CREM: variants seen among roughly 807,000 people sequenced by gnomAD.
CREM encodes the protein cAMP responsive element modulator, also known as cAMP-responsive element modulator.
Under a neutral mutation model 37.3 loss-of-function variants are expected in CREM, and 13 were observed. The observed-to-expected ratio is 0.35, with a 90% CI of 0.23 to 0.55. CREM has a LOEUF of 0.55. Among genes scored for constraint, CREM ranks in the 20% least tolerant of loss-of-function variants. The pLI is 0.88. For missense variants in CREM, 296 were observed against 362.3 expected, an observed-to-expected ratio of 0.82 and a Z score of 1.49; for synonymous variants, 124 against 120.2, an observed-to-expected ratio of 1.03 and a Z score of -0.21.
intron 3 of CREM, among the ~76,000 whole-genome samples, chr10:35,157,960 G>A (rs2093020303): frequency 6.6e-6 from 1 of 151,668 alleles, no homozygotes; most frequent in South Asian, 2.1e-4. Flanking sequence ...GAACTACCTG[G>A]AAAAAATATC....
At chr10:35,175,649 C>T in intron 3 of CREM, 2 of 1,612,616 alleles carry the variant, frequency 1.2e-6, no homozygotes, top group South Asian at 1.1e-5. Flanking sequence ...GCATGTGTTC[C>T]TTAATAAATG....
intron 3 of CREM, among the ~76,000 whole-genome samples, chr10:35,168,024 C>T (rs1484711270): frequency 6.6e-6 from 1 of 152,024 alleles, no homozygotes; most frequent in East Asian, 1.9e-4. Context: ...GTATATGTGC[C>T]ACATTTTCTT....
intron 3 of CREM, among the ~76,000 whole-genome samples, chr10:35,168,944 T>C (rs2093677445): frequency 6.6e-6 from 1 of 152,232 alleles, no homozygotes; most frequent in South Asian, 2.1e-4. Context: ...TCTGTTCTGT[T>C]CCATCGGTCT....
chr10:35,151,213 G>A (rs6481941), intron 3 of CREM, among the ~76,000 whole-genome samples: 56,389 of 152,078 alleles, frequency 0.37, 10,601 homozygotes, highest in African/African-American at 0.43. Context: ...CTGTGTTTAC[G>A]TTTGTAATGC....
intron 3 of CREM, among the ~76,000 whole-genome samples, chr10:35,155,495 T>C (rs1254365274): frequency 6.6e-6 from 1 of 152,198 alleles, no homozygotes. Context: ...GAATATGTTA[T>C]GTGTCTTTTA....
At chr10:35,149,526 T>C (rs2092418841) in intron 3 of CREM, among the ~76,000 whole-genome samples, 1 of 152,092 alleles carries the variant, frequency 6.6e-6, no homozygotes, top group South Asian at 2.1e-4. Context: ...GGAGGTGGAA[T>C]TGAAAGTCAG....
In CREM at chr10:35,212,939, A is replaced by G. The variant is rs769001076; in HGVS notation, c.*1541A>G. 1 of 152,862 alleles carries G rather than the reference A, an allele frequency of 6.5e-6. No individual in the cohort carries two copies. Among genetic ancestry groups the G allele is most frequent in the East Asian group, 1.9e-4 (1 of 5,326 alleles). The allele number at this position is 152,862 out of a possible 1,614,324, so 9.5% of individuals were successfully genotyped here. A position where few individuals can be genotyped will look rare whatever the true frequency, so the allele number is the denominator to read the frequency against. On this transcript the variant is annotated 3_prime_UTR_variant, in exon 8 of 8. Coordinates refer to ENST00000685392, the MANE Select transcript of CREM (RefSeq NM_183011.2). ...TTATAATAAAAAGCTTCAGGGAACAAGCCCAAAGCCCTCACCACAGGATGC... is the reference window on the plus strand; with the variant it reads ...TTATAATAAAAAGCTTCAGGGAACAGGCCCAAAGCCCTCACCACAGGATGC...
At chr10:35,181,104 G>A (rs1437867284) in intron 5 of CREM, among the ~76,000 whole-genome samples, 2 of 152,242 alleles carry the variant, frequency 1.3e-5, no homozygotes, top group Non-Finnish European at 2.9e-5. Context: ...AGCAGATGCT[G>A]TAGGGTTAAC....
intron 3 of CREM, among the ~76,000 whole-genome samples, chr10:35,150,449 A>G (rs2092512712): frequency 6.6e-6 from 1 of 151,992 alleles, no homozygotes; most frequent in South Asian, 2.1e-4. Context: ...ATAGATTTCC[A>G]TTATCTAAAT....
chr10:35,183,824 C>T (rs1332146052), intron 5 of CREM, among the ~76,000 whole-genome samples: 1 of 152,200 alleles, frequency 6.6e-6, no homozygotes, highest in Non-Finnish European at 1.5e-5. Flanking sequence ...CCTGTAATCC[C>T]AGCACTTTGG....
chr10:35,132,965 T>C (rs543792983), intron 1 of CREM, among the ~76,000 whole-genome samples: 1 of 152,234 alleles, frequency 6.6e-6, no homozygotes, highest in African/African-American at 2.4e-5. Context: ...TGCAAAGAAC[T>C]AAAACCTTGC....
chr10:35,135,850 T>C (rs2090421167), intron 1 of CREM, among the ~76,000 whole-genome samples: 2 of 151,882 alleles, frequency 1.3e-5, no homozygotes, highest in Non-Finnish European at 2.9e-5. Flanking sequence ...AGGACAAAGT[T>C]TCAAATAGAG....
chr10:35,198,247 G>A (rs1327863232), intron 6 of CREM, among the ~76,000 whole-genome samples: 3 of 152,076 alleles, frequency 2.0e-5, no homozygotes, highest in Admixed American at 6.6e-5. Context: ...ATGACTGGCC[G>A]GGCGCGGTGG....
At chr10:35,166,026 CAA>C (rs753421482) in intron 3 of CREM, among the ~76,000 whole-genome samples, 99 of 152,130 alleles carry the variant, frequency 6.5e-4, no homozygotes, top group Non-Finnish European at 9.9e-4. Flanking sequence ...GTATCAGAAA[CAA>C]TGATCCTTTT....
intron 1 of CREM, among the ~76,000 whole-genome samples, chr10:35,131,502 G>A (rs2089373231): frequency 1.3e-5 from 2 of 151,896 alleles, no homozygotes; most frequent in South Asian, 4.2e-4. Flanking sequence ...TTATATCTTA[G>A]CACTGATTAT....
intron 6 of CREM, among the ~76,000 whole-genome samples, chr10:35,200,118 C>T (rs2134216100): frequency 6.6e-6 from 1 of 152,044 alleles, no homozygotes; most frequent in East Asian, 1.9e-4. Context: ...GAACTCCTGA[C>T]CTCAAGCGAT....
At chr10:35,168,552 T>C (rs1212366035) in intron 3 of CREM, among the ~76,000 whole-genome samples, 1 of 152,220 alleles carries the variant, frequency 6.6e-6, no homozygotes, top group Non-Finnish European at 1.5e-5. Flanking sequence ...GTAGGTTGCC[T>C]CTTCACTTTG....
chr10:35,189,500 GTTTGTTTA>G (rs1337019451), intron 6 of CREM, among the ~76,000 whole-genome samples: 11 of 151,902 alleles, frequency 7.2e-5, no homozygotes, highest in Admixed American at 1.3e-4. Flanking sequence ...TTGTTTGTTT[GTTTGTTTA>G]TTTATTTATT....
chr10:35,172,758 G>A (rs768886709), intron 3 of CREM, among the ~76,000 whole-genome samples: 1 of 152,178 alleles, frequency 6.6e-6, no homozygotes, highest in African/African-American at 2.4e-5. Flanking sequence ...GGAAAAGCAC[G>A]TGTGTTATTT....
Sources: gnomAD v4.1 joint callset for allele counts (sites outside exome capture counted in the v4.1 genomes callset) on GRCh38, gnomAD v4.1.1 for gene constraint, MANE v1.5 for transcripts, NCBI Gene and HGNC (gene_info 2026-07-23, HGNC 2026-07-21) for gene names.